Variants in SOX6 observed in about 807,000 individuals in gnomAD.
The protein encoded by SOX6 is transcription factor SOX-6.
Under a neutral mutation model 97.8 loss-of-function variants are expected in SOX6, and 11 were observed. The observed-to-expected ratio is 0.11, with a 90% confidence interval of 0.07 to 0.19. The LOEUF (loss-of-function observed/expected upper bound fraction) is 0.19, where lower values mean the gene tolerates loss of function less well. Among genes scored for constraint, SOX6 ranks in the 10% least tolerant of loss-of-function variants. SOX6 has a pLI of 1.00. For synonymous variants in SOX6, 360 were observed against 371.4 expected, an observed-to-expected ratio of 0.97 and a Z score of 0.35; for missense variants, 810 against 1,039.5, an observed-to-expected ratio of 0.78 and a Z score of 3.04.
At chr11:16,317,234 T>C (rs1477496630) in intron 3 of SOX6, 1 of 151,170 alleles carries the variant, frequency 6.6e-6, no homozygotes, top group African/African-American at 2.4e-5. Flanking sequence ...ATAATTGACA[T>C]TTATAATATA....
At chr11:16,232,597 A>C (rs1349028211) in intron 4 of SOX6, among the ~76,000 whole-genome samples, 2 of 152,080 alleles carry the variant, frequency 1.3e-5, no homozygotes, top group African/African-American at 2.4e-5. Flanking sequence ...AGAAAGACGG[A>C]AAGGGGGGGA....
chr11:16,599,530 T>G (rs1848245818), intron 4 of SOX6, among the ~76,000 whole-genome samples: 1 of 152,184 alleles, frequency 6.6e-6, no homozygotes, highest in Admixed American at 6.5e-5. Context: ...ATATAAAGAT[T>G]TCCATAGTTT....
chr11:15,983,156 A>G (rs1372933694), intron 15 of SOX6, among the ~76,000 whole-genome samples: 1 of 152,086 alleles, frequency 6.6e-6, no homozygotes, highest in Non-Finnish European at 1.5e-5. Context: ...CCAGATACAT[A>G]CATGAATAGA....
chr11:16,489,399 A>G (rs1860478644), intron 4 of SOX6, among the ~76,000 whole-genome samples: 1 of 152,058 alleles, frequency 6.6e-6, no homozygotes, highest in East Asian at 1.9e-4. Context: ...AATACAGCCC[A>G]CTCACTAGGC....
chr11:16,733,236 C>A (rs1479610571), intron 2 of SOX6, among the ~76,000 whole-genome samples: 6 of 152,126 alleles, frequency 3.9e-5, no homozygotes, highest in Non-Finnish European at 8.8e-5. Flanking sequence ...GGTATACACC[C>A]AAAGGATTAT....
intron 1 of SOX6, among the ~76,000 whole-genome samples, chr11:16,436,753 C>G (rs1409768725): frequency 1.3e-5 from 2 of 152,162 alleles, no homozygotes; most frequent in African/African-American, 4.8e-5. Flanking sequence ...AATTGTGCCT[C>G]TTGCATAAGA....
At chr11:16,333,494 T>C (rs963308515) in intron 2 of SOX6, among the ~76,000 whole-genome samples, 1 of 152,078 alleles carries the variant, frequency 6.6e-6, no homozygotes, top group Non-Finnish European at 1.5e-5. Flanking sequence ...GAACCACCTA[T>C]AGACTGAAAC....
At chr11:16,119,483 T>C (rs1298765133) in intron 6 of SOX6, among the ~76,000 whole-genome samples, 1 of 152,224 alleles carries the variant, frequency 6.6e-6, no homozygotes, top group Admixed American at 6.5e-5. Context: ...TTAAATTCTA[T>C]GCTGTGTTCT....
chr11:16,428,251 A>C (rs913014623), intron 1 of SOX6, among the ~76,000 whole-genome samples: 2 of 152,004 alleles, frequency 1.3e-5, no homozygotes, highest in Non-Finnish European at 2.9e-5. Context: ...AGTAGGTTGC[A>C]AAAATTTTCT....
At chr11:16,603,167 G>C (rs908643685) in intron 4 of SOX6, among the ~76,000 whole-genome samples, 4 of 152,200 alleles carry the variant, frequency 2.6e-5, no homozygotes, top group African/African-American at 4.8e-5. Context: ...AGAAACAAGG[G>C]GGGAGGAGGA....
intron 4 of SOX6, among the ~76,000 whole-genome samples, chr11:16,527,580 A>T (rs1032299381): frequency 1.8e-4 from 28 of 152,082 alleles, no homozygotes; most frequent in African/African-American, 6.8e-4. Context: ...GATGAAATAC[A>T]TTTCTTTGCC....
At chr11:16,493,090 C>A (rs1431611289) in intron 4 of SOX6, among the ~76,000 whole-genome samples, 1 of 152,156 alleles carries the variant, frequency 6.6e-6, no homozygotes, top group African/African-American at 2.4e-5. Context: ...ATCCTATCAT[C>A]CAGAAATTCT....
At chr11:16,073,928 A>T (rs1038273130) in intron 9 of SOX6, among the ~76,000 whole-genome samples, 3 of 152,210 alleles carry the variant, frequency 2.0e-5, no homozygotes, top group African/African-American at 7.2e-5. Context: ...AATTTCTGGG[A>T]TACAACTAAA....
At chr11:16,677,860 C>T (rs1847896754) in intron 3 of SOX6, among the ~76,000 whole-genome samples, 3 of 152,160 alleles carry the variant, frequency 2.0e-5, no homozygotes, top group Admixed American at 2.0e-4. Flanking sequence ...TTTTGACTTA[C>T]AAAACCAATT....
intron 1 of SOX6, among the ~76,000 whole-genome samples, chr11:16,737,267 C>T (rs750511448): frequency 1.3e-5 from 2 of 152,140 alleles, no homozygotes; most frequent in Non-Finnish European, 2.9e-5. Flanking sequence ...AGTGCAGTGG[C>T]GCCATCTTGG....
intron 1 of SOX6, among the ~76,000 whole-genome samples, chr11:16,353,217 AC>A (rs1345697345): frequency 2.0e-5 from 3 of 152,034 alleles, no homozygotes; most frequent in African/African-American, 7.2e-5. Context: ...CTGCCTCACT[AC>A]AAAAGTCGGT....
intron 3 of SOX6, among the ~76,000 whole-genome samples, chr11:16,270,862 T>C (rs1263414311): frequency 1.3e-5 from 2 of 151,388 alleles, no homozygotes; most frequent in Non-Finnish European, 3.0e-5. Context: ...CCAGGGAGTT[T>C]CAGGACTGGG....
At chr11:16,138,965 G>T (rs1268187778) in intron 6 of SOX6, among the ~76,000 whole-genome samples, 3 of 152,082 alleles carry the variant, frequency 2.0e-5, no homozygotes, top group Admixed American at 1.3e-4. Context: ...GGACATTTGG[G>T]TTGGTTTTGG....
intron 6 of SOX6, among the ~76,000 whole-genome samples, chr11:16,138,524 T>C (rs1485182314): frequency 6.6e-6 from 1 of 152,014 alleles, no homozygotes; most frequent in Non-Finnish European, 1.5e-5. Flanking sequence ...AATTTTTTTG[T>C]TGTTGTTTTT....
Sources: allele counts gnomAD v4.1 joint callset (sites outside exome capture counted in the v4.1 genomes callset), GRCh38; gene constraint gnomAD v4.1.1; transcripts MANE v1.5; gene names NCBI Gene and HGNC (gene_info 2026-07-23, HGNC 2026-07-21).